Variants in NRCAM observed in about 807,000 individuals in gnomAD.
The protein encoded by NRCAM is NgCAM-related cell adhesion molecule.
NRCAM carries 83 observed loss-of-function variants against 156.5 expected under a neutral mutation model. The observed-to-expected ratio is 0.53, with a 90% CI of 0.44 to 0.64. The LOEUF (loss-of-function observed/expected upper bound fraction) is 0.64. Among genes scored for constraint, NRCAM ranks in the 30% least tolerant of loss-of-function variants. NRCAM has a pLI of 0.00. For synonymous variants in NRCAM, 538 were observed against 563.9 expected (o/e 0.95, Z 0.65); for missense variants, 1,417 against 1,597.3 (o/e 0.89, Z 1.92).
At chr7:108,364,168 A>T (rs960177606) in intron 2 of NRCAM, among the ~76,000 whole-genome samples, 7 of 152,208 alleles carry the variant, frequency 4.6e-5, no homozygotes, top group Admixed American at 1.3e-4. Context: ...AAATGTTCTA[A>T]GAAATAAAAT....
chr7:108,266,892 C>CT (rs1180358324), intron 3 of NRCAM, among the ~76,000 whole-genome samples: 2 of 135,252 alleles, frequency 1.5e-5, no homozygotes, highest in Non-Finnish European at 3.2e-5. Context: ...AAGAAAGAGT[C>CT]TAAGATTTTA....
At chr7:108,298,373 C>T (rs1592220473) in intron 3 of NRCAM, among the ~76,000 whole-genome samples, 1 of 151,790 alleles carries the variant, frequency 6.6e-6, no homozygotes, top group South Asian at 2.1e-4. Context: ...CCGCAGGGCA[C>T]GGTGGCTCAT....
At position 108,298,530 on chromosome 7, in the gene NRCAM, A is replaced by G. The variant is rs556869743; in HGVS notation, c.-107+14135T>C. 3.2e-3 allele frequency among the ~76,000 whole-genome samples: 481 copies of G among 151,880 alleles called. 7 individuals are homozygous for G. Among genetic ancestry groups the G allele is most frequent in the Non-Finnish European group, 1.5e-3 (102 of 67,936 alleles). ...TAGCCGGGTGTGGTGCTGGACGCCT[A>G]TAGTCCCAGCTACTCAGGAGGCTGA... is the stretch of plus-strand genomic sequence containing the variant. On this transcript the variant is annotated intron_variant, in intron 3 of 32. Coordinates refer to ENST00000379028, the MANE Select transcript of NRCAM (RefSeq NM_001037132.4).
intron 11 of NRCAM, among the ~76,000 whole-genome samples, chr7:108,209,941 T>A (rs907799066): frequency 1.3e-5 from 2 of 152,198 alleles, no homozygotes; most frequent in Non-Finnish European, 2.9e-5. Flanking sequence ...GAAGCTACTA[T>A]GTTAATCAAA....
intron 2 of NRCAM, among the ~76,000 whole-genome samples, chr7:108,392,387 G>A (rs756800099): frequency 7.9e-5 from 12 of 152,158 alleles, no homozygotes; most frequent in South Asian, 2.1e-4. Context: ...TTGTTCATGC[G>A]TCACGTAGTT....
At chr7:108,342,894 A>G (rs754280556) in intron 2 of NRCAM, among the ~76,000 whole-genome samples, 13 of 152,238 alleles carry the variant, frequency 8.5e-5, no homozygotes, top group Non-Finnish European at 1.9e-4. Flanking sequence ...GTTTACTTAA[A>G]TATCAGGCTC....
chr7:108,419,458 C>T (rs556487722), intron 1 of NRCAM, among the ~76,000 whole-genome samples: 1 of 152,300 alleles, frequency 6.6e-6, no homozygotes, highest in East Asian at 1.9e-4. Flanking sequence ...CAAAATCCAA[C>T]ATAAAATAAA....
intron 3 of NRCAM, among the ~76,000 whole-genome samples, chr7:108,269,166 A>G (rs2097240290): frequency 6.8e-6 from 1 of 148,074 alleles, no homozygotes; most frequent in African/African-American, 2.4e-5. Context: ...CTGTATTTGA[A>G]AAAAAAAAAA....
intron 20 of NRCAM, among the ~76,000 whole-genome samples, chr7:108,185,769 C>T (rs3819745): frequency 0.68 from 101,600 of 149,524 alleles, 36,529 homozygotes; most frequent in East Asian, 0.96. Flanking sequence ...CTGTTCCATA[C>T]GTACTGAAAT....
chr7:108,177,252 T>A (rs539525541), intron 26 of NRCAM, among the ~76,000 whole-genome samples: 1 of 152,072 alleles, frequency 6.6e-6, no homozygotes, highest in African/African-American at 2.4e-5. Context: ...AAAAAGTTCA[T>A]GTCACAGAAG....
chr7:108,403,831 A>C (rs1301985583), intron 1 of NRCAM, among the ~76,000 whole-genome samples: 1 of 152,198 alleles, frequency 6.6e-6, no homozygotes, highest in Admixed American at 6.6e-5. Context: ...AAATTAGCAG[A>C]ATCTGTCATT....
chr7:108,255,213 C>T (rs1225184019), intron 3 of NRCAM, among the ~76,000 whole-genome samples: 2 of 136,116 alleles, frequency 1.5e-5, no homozygotes, highest in East Asian at 2.5e-4. Flanking sequence ...CCCTCTGATG[C>T]GGAGCAGAGG....
intron 1 of NRCAM, among the ~76,000 whole-genome samples, chr7:108,402,775 C>T (rs185002057): frequency 6.6e-6 from 1 of 152,286 alleles, no homozygotes; most frequent in Admixed American, 6.5e-5. Context: ...CTGCTTGGAT[C>T]AGGAGTGAGC....
intron 2 of NRCAM, among the ~76,000 whole-genome samples, chr7:108,387,645 A>G (rs977912649): frequency 1.1e-4 from 16 of 152,134 alleles, no homozygotes; most frequent in African/African-American, 3.6e-4. Flanking sequence ...TACATGTGCC[A>G]TGTTGATGTG....
chr7:108,238,927 A>T (rs904136435), intron 4 of NRCAM, among the ~76,000 whole-genome samples: 3 of 151,604 alleles, frequency 2.0e-5, no homozygotes, highest in Non-Finnish European at 4.4e-5. Flanking sequence ...TGGTAATAAT[A>T]AATAATAATA....
Position 108,429,869 on chromosome 7 carries a change from G to T in NRCAM, c.-332+26374C>A, listed in dbSNP as rs182963028. ...TACAGCAAGCTAAAGCAAATCAGGAGTAAGTGGTGAGGAGGTGAAATTTAA... is the reference window on the plus strand; with the variant it reads ...TACAGCAAGCTAAAGCAAATCAGGATTAAGTGGTGAGGAGGTGAAATTTAA... On this transcript the variant is annotated intron_variant, in intron 1 of 32. Transcript: ENST00000379028. Among the ~76,000 whole-genome samples, 175 of 152,324 alleles carry T rather than the reference G, an allele frequency of 1.1e-3. 1 individual carries two copies. Among genetic ancestry groups the T allele is most frequent in the African/African-American group, 3.8e-3 (158 of 41,580 alleles).
rs966786318 is a variant in NRCAM at position 108,368,385 on chromosome 7, C to T, written c.-174+31051G>A. Among the ~76,000 whole-genome samples, 5 of 152,110 alleles carry T rather than the reference C, an allele frequency of 3.3e-5. No homozygotes were observed. In the East Asian group the frequency reaches 7.7e-4, roughly 23 times the overall value. On this transcript the variant is annotated intron_variant, in intron 2 of 32. Transcript: ENST00000379028. The stretch of plus-strand genomic sequence containing the variant: ...GAAGTTTATTAAACCTTGTCAGAAA[C>T]CATCTGACTTGCTAAATACATACAC...
rs1295499509 is a variant in NRCAM, at chr7:108,449,415, AG to A, written c.-332+6827del. On this transcript the variant is annotated intron_variant, in intron 1 of 32. Coordinates refer to ENST00000379028, the MANE Select transcript of NRCAM (RefSeq NM_001037132.4). ...AAGACAACAGCCCAGCAAGTGGGGCAGGCAAAACAGGCCTCCTTTGTTCACT... is the reference window on the plus strand; with the variant it reads ...AAGACAACAGCCCAGCAAGTGGGGCAGCAAAACAGGCCTCCTTTGTTCACT... 4.6e-5 allele frequency among the ~76,000 whole-genome samples: 7 copies of A among 152,304 alleles called. No homozygotes were observed. The South Asian group carries it at 6.2e-4, about 14-fold the overall frequency.
rs563223158 is a variant in NRCAM at position 108,250,639 on chromosome 7, G to A, written c.-106-10469C>T. ...GGTGGTTGGGGTGGAAATGGGGATG[G>A]TTATTAGGTACAAAAAAAAAAAATA... is the stretch of plus-strand genomic sequence containing the variant. On this transcript the variant is annotated intron_variant, in intron 3 of 32. Coordinates refer to ENST00000379028, the MANE Select transcript of NRCAM (RefSeq NM_001037132.4). Among the ~76,000 whole-genome samples the A allele has an allele frequency of 5.6e-4, 84 of 150,524 alleles. 1 individual carries two copies. The South Asian group carries it at 0.015, about 27-fold the overall frequency.
Sources: gnomAD v4.1 joint callset for allele counts (sites outside exome capture counted in the v4.1 genomes callset) on GRCh38, gnomAD v4.1.1 for gene constraint, MANE v1.5 for transcripts, NCBI Gene and HGNC (gene_info 2026-07-23, HGNC 2026-07-21) for gene names.